PTPRD: variants seen among roughly 807,000 people sequenced by gnomAD.
PTPRD encodes receptor-type tyrosine-protein phosphatase delta.
A neutral mutation model predicts 214.5 loss-of-function variants in PTPRD; 34 were observed. The ratio of observed to expected loss-of-function variants is 0.16; its 90% CI spans 0.12 to 0.21. PTPRD has a LOEUF of 0.21. Among genes scored for constraint, PTPRD ranks in the 10% least tolerant of loss-of-function variants. The pLI is 1.00. For synonymous variants in PTPRD, 1,128 were observed against 845.7 expected (o/e 1.33, Z -5.79); for missense variants, 2,545 against 2,398.7 (o/e 1.06, Z -1.27).
intron 39 of PTPRD, among the ~76,000 whole-genome samples, chr9:8,347,274 C>A (rs1302520156): frequency 6.6e-6 from 1 of 152,030 alleles, no homozygotes; most frequent in Non-Finnish European, 1.5e-5. Context: ...GCATCCATTC[C>A]CACCATCCAG....
chr9:8,810,600 A>G (rs567832322), intron 11 of PTPRD, among the ~76,000 whole-genome samples: 4 of 152,182 alleles, frequency 2.6e-5, no homozygotes. Flanking sequence ...CTCTAAAGGA[A>G]CACACTCTAA....
chr9:9,633,281 G>T (rs1218187343), intron 7 of PTPRD, among the ~76,000 whole-genome samples: 1 of 151,688 alleles, frequency 6.6e-6, no homozygotes, highest in African/African-American at 2.4e-5. Context: ...CAGCCTGGGA[G>T]AGAGAGTGAG....
At chr9:9,969,680 T>C (rs2094956237) in intron 4 of PTPRD, among the ~76,000 whole-genome samples, 1 of 152,252 alleles carries the variant, frequency 6.6e-6, no homozygotes, top group Admixed American at 6.5e-5. Flanking sequence ...CCGCTTCTAC[T>C]GCCCCTGGAT....
At chr9:9,423,207 C>T (rs2079490180) in intron 8 of PTPRD, among the ~76,000 whole-genome samples, 1 of 152,118 alleles carries the variant, frequency 6.6e-6, no homozygotes, top group Non-Finnish European at 1.5e-5. Flanking sequence ...GTGTCCTCCT[C>T]GAAATGAAGC....
At chr9:10,013,047 G>T (rs1438892361) in intron 4 of PTPRD, among the ~76,000 whole-genome samples, 1 of 151,880 alleles carries the variant, frequency 6.6e-6, no homozygotes, top group African/African-American at 2.4e-5. Flanking sequence ...ATAAGCACAG[G>T]AAACGAGAAG....
chr9:10,395,965 G>A (rs993463565), intron 2 of PTPRD, among the ~76,000 whole-genome samples: 7 of 151,528 alleles, frequency 4.6e-5, no homozygotes, highest in Non-Finnish European at 8.8e-5. Context: ...GAGAGAGAGA[G>A]AGAGAGAGAG....
At chr9:10,308,874 G>A (rs1375228652) in intron 3 of PTPRD, among the ~76,000 whole-genome samples, 4 of 151,928 alleles carry the variant, frequency 2.6e-5, no homozygotes, top group Non-Finnish European at 5.9e-5. Flanking sequence ...GTCACTGGGC[G>A]GTTAGACTGC....
chr9:8,885,686 G>A (rs1052725836), intron 11 of PTPRD, among the ~76,000 whole-genome samples: 3 of 151,556 alleles, frequency 2.0e-5, no homozygotes, highest in Non-Finnish European at 2.9e-5. Context: ...TAGTAGAGAT[G>A]GGGTTTCACC....
chr9:10,029,963 C>A (rs965627504), intron 4 of PTPRD, among the ~76,000 whole-genome samples: 10 of 152,082 alleles, frequency 6.6e-5, no homozygotes, highest in African/African-American at 2.4e-4. Context: ...CGGGTCTTTT[C>A]TGTGCTGTTC....
intron 14 of PTPRD, among the ~76,000 whole-genome samples, chr9:8,561,047 A>C (rs2141257480): frequency 6.6e-6 from 1 of 152,300 alleles, no homozygotes; most frequent in Non-Finnish European, 1.5e-5. Context: ...GACAGTTTAA[A>C]GCCTGAAAGC....
At position 8,553,729 on chromosome 9, in the gene PTPRD, T is replaced by TA. The variant is rs533879427; in HGVS notation, c.353-24951dup. Among the ~76,000 whole-genome samples, 46 of 152,312 alleles carry TA rather than the reference T, an allele frequency of 3.0e-4. No homozygotes were observed. In the South Asian group the frequency reaches 8.9e-3, roughly 29 times the overall value. ...TTCTCTTTTTCTAACCATAAAGCCC[T>TA]ATAAGAACCTTCTTCTTATGCTCAG... On this transcript the variant is annotated intron_variant, in intron 14 of 45. Transcript: ENST00000381196.
At chr9:8,561,254 C>T (rs1056026428) in intron 14 of PTPRD, among the ~76,000 whole-genome samples, 2 of 152,090 alleles carry the variant, frequency 1.3e-5, no homozygotes, top group East Asian at 1.9e-4. Flanking sequence ...CCAATCAGCA[C>T]ATACTCCTCA....
intron 3 of PTPRD, among the ~76,000 whole-genome samples, chr9:10,060,473 G>A (rs941452710): frequency 1.3e-5 from 2 of 151,866 alleles, no homozygotes; most frequent in Admixed American, 6.6e-5. Context: ...GTAAAATTAC[G>A]AAAACCCTAC....
At chr9:9,598,980 G>A (rs1047926009) in intron 7 of PTPRD, among the ~76,000 whole-genome samples, 9 of 151,908 alleles carry the variant, frequency 5.9e-5, no homozygotes, top group South Asian at 4.2e-4. Context: ...GTACTCTTTC[G>A]AACTAATACA....
chr9:8,580,018 G>T (rs930186438), intron 14 of PTPRD, among the ~76,000 whole-genome samples: 1 of 152,078 alleles, frequency 6.6e-6, no homozygotes, highest in Non-Finnish European at 1.5e-5. Context: ...GGTTTGCAGG[G>T]ATTACAAGTT....
At chr9:9,322,241 T>A (rs1050736357) in intron 9 of PTPRD, among the ~76,000 whole-genome samples, 3 of 152,192 alleles carry the variant, frequency 2.0e-5, no homozygotes, top group East Asian at 1.9e-4. Context: ...GTAAAATTAA[T>A]TGTCTTCGTA....
At chr9:9,611,792 G>A (rs866869287) in intron 7 of PTPRD, among the ~76,000 whole-genome samples, 1 of 151,904 alleles carries the variant, frequency 6.6e-6, no homozygotes, top group Non-Finnish European at 1.5e-5. Flanking sequence ...GTTAAAGTAT[G>A]GAATATTAAT....
intron 8 of PTPRD, among the ~76,000 whole-genome samples, chr9:9,558,975 C>T (rs1399326936): frequency 6.6e-6 from 1 of 152,186 alleles, no homozygotes; most frequent in Non-Finnish European, 1.5e-5. Flanking sequence ...ACTCAGTGTA[C>T]TTCAATGCTC....
chr9:8,494,947 C>T (rs1229315705), intron 26 of PTPRD, among the ~76,000 whole-genome samples: 2 of 152,054 alleles, frequency 1.3e-5, no homozygotes, highest in Non-Finnish European at 2.9e-5. Flanking sequence ...TCCTCCTGTC[C>T]TGTCTCCACT....
Sources: gnomAD v4.1 joint callset for allele counts (sites outside exome capture counted in the v4.1 genomes callset) on GRCh38, gnomAD v4.1.1 for gene constraint, MANE v1.5 for transcripts, NCBI Gene and HGNC (gene_info 2026-07-23, HGNC 2026-07-21) for gene names.